MST1R: variants seen among roughly 807,000 people sequenced by gnomAD.
The protein encoded by MST1R is macrophage stimulating 1 receptor.
A neutral mutation model predicts 117.8 loss-of-function variants in MST1R; 99 were observed. That is an observed-to-expected ratio of 0.84 (90% confidence interval 0.71 to 0.99). MST1R has a LOEUF of 0.99. MST1R is among the 50% of genes least tolerant of loss of function. MST1R has a pLI of 0.00. For synonymous variants in MST1R, 734 were observed against 765.3 expected, an observed-to-expected ratio of 0.96 and a Z score of 0.68; for missense variants, 1,683 against 1,840.2, an observed-to-expected ratio of 0.91 and a Z score of 1.56.
chr3:49,898,830 C>T (rs762220523), intron 3 of MST1R, 37 bp downstream of exon 3: 67 of 1,612,632 alleles, frequency 4.2e-5, no homozygotes, highest in Admixed American at 6.7e-5. Context: ...TGTGATCCCA[C>T]AACCCTGGCC....
At position 49,897,677 on chromosome 3, in the gene MST1R, G is replaced by T. The variant is rs1406001712; in HGVS notation, c.1889C>A (p.Pro630His). 6.2e-7 allele frequency: 1 copy of T among 1,612,110 alleles called. No homozygotes were observed. The highest frequency in any genetic ancestry group is 2.2e-5 in the East Asian group (1 of 44,882). ...AAACTCCTCTACAAAGTCTTTCCGG[G>T]GCACTGGTCTGGGGCACCAGGGGAA... The part of the protein sequence containing the change: ...PKDSSKLRPV[P>H]RKDFVEEFEC... Residue 630 changes from proline to histidine, a missense_variant, in exon 6 of 20, where the codon CCC becomes CAC. Coordinates refer to ENST00000296474, the MANE Select transcript of MST1R (RefSeq NM_002447.4).
Position 49,896,805 on chromosome 3 carries a change from G to A in MST1R, c.2269C>T (p.Gln757Ter), listed in dbSNP as rs2082488321. 1.3e-6 allele frequency: 2 copies of A among 1,561,534 alleles called. No homozygotes were observed. Among genetic ancestry groups the A allele is most frequent in the Admixed American group, 1.9e-5 (1 of 52,476 alleles). Residue 757 changes from glutamine (Q) to a stop codon, truncating the protein, a stop_gained, in exon 8 of 20, where the codon CAG (glutamine) becomes TAG (stop). Coordinates refer to ENST00000296474, the MANE Select transcript of MST1R (RefSeq NM_002447.4). LOFTEE classifies it high-confidence loss of function. ...VPLSLQVGGA[Q>*]VPGSWTFQYR... is the part of the protein sequence containing the mutation. ...TGGAAGGTCCAGGAACCAGGTACCTGGGCACCCCCCACCTGCAGGCTAAGG... is the reference window on the plus strand; with the variant it reads ...TGGAAGGTCCAGGAACCAGGTACCTAGGCACCCCCCACCTGCAGGCTAAGG...
chr3:49,888,526 T>C (rs1429215581), intron 19 of MST1R, among the ~76,000 whole-genome samples: 1 of 146,916 alleles, frequency 6.8e-6, no homozygotes, highest in African/African-American at 2.5e-5. Context: ...CACTTGAACC[T>C]GGGAGGCAGA....
Position 49,887,544 on chromosome 3 carries a change from T to C in MST1R, c.3966A>G (p.Gln1322=). 1 of 1,614,076 alleles carries C rather than the reference T, an allele frequency of 6.2e-7. No individual in the cohort carries two copies. The highest frequency in any genetic ancestry group is 8.5e-7 in the Non-Finnish European group (1 of 1,179,986). The change falls in exon 20 of 20, where the codon CAA becomes CAG. Residue 1322 remains glutamine (Q), a synonymous_variant. Transcript: ENST00000296474. ...GCACTGCTGGGTCTGCCTCCCAGCA[T>C]TGCTGCATCACTTGGTACCTGTTGG... The part of the protein sequence containing the change: ...CPDSLYQVMQ[Q]CWEADPAVRP...
rs751575573 is a variant in MST1R at position 49,896,365 on chromosome 3, G to C, written c.2479C>G (p.Pro827Ala). Residue 827 changes from proline to alanine, a missense_variant, in exon 10 of 20, where the codon CCT becomes GCT. Physicochemically the swap from Pro to Ala is conservative, Grantham distance 27. Transcript: ENST00000296474. ...TGGGGGTCTCGGACCACATATTCAG[G>C]AAGGCGGCACAGCTGCTGCTCTGGA... Reference protein sequence around the residue: ...QLPEQQLCRLPEYVVRDPQGW... With the variant: ...QLPEQQLCRLAEYVVRDPQGW... 6.2e-7 allele frequency: 1 copy of C among 1,613,972 alleles called. No homozygotes were observed. The highest frequency in any genetic ancestry group is 8.5e-7 in the Non-Finnish European group (1 of 1,180,002).
intron 14 of MST1R, among the ~76,000 whole-genome samples, chr3:49,892,358 G>A (rs2082340135): frequency 6.6e-6 from 1 of 151,562 alleles, no homozygotes; most frequent in Non-Finnish European, 1.5e-5. Flanking sequence ...GGATCACGAG[G>A]TCAGGAGTTT....
rs375003602 is a variant in MST1R, at chr3:49,897,320, G to T, written c.2143C>A (p.Arg715=). The T allele has an allele frequency of 1.9e-6, 3 of 1,613,440 alleles. No homozygotes were observed. Among genetic ancestry groups the T allele is most frequent in the South Asian group, 1.1e-5 (1 of 91,014 alleles). The change falls in exon 7 of 20, where the codon CGG becomes AGG. Residue 715 remains arginine, a synonymous_variant. Transcript: ENST00000296474. Reference sequence around the variant, plus strand: ...TCAGTCCCATTGACCAGCACAGCCCGGCTGGTGCCTACAGACAGACTCTGG... The same window carrying T: ...TCAGTCCCATTGACCAGCACAGCCCTGCTGGTGCCTACAGACAGACTCTGG... The part of the protein sequence containing the change: ...EGQSLSVGTS[R]AVLVNGTECL...
At chr3:49,888,329 G>A (rs370903123) in intron 19 of MST1R, among the ~76,000 whole-genome samples, 27 of 151,952 alleles carry the variant, frequency 1.8e-4, no homozygotes, top group African/African-American at 6.5e-4. Flanking sequence ...CCAGCTACTC[G>A]GGAGGCTGAG....
intron 1 of MST1R, 182 bp from the exon 2 acceptor site, chr3:49,899,445 G>C: frequency 1.5e-6 from 1 of 646,962 alleles, no homozygotes; most frequent in Non-Finnish European, 2.6e-6. Context: ...GTGTAGCAAG[G>C]GCAGGGAGAA....
At position 49,896,368 on chromosome 3, in the gene MST1R, G is replaced by C. The variant is rs2082472434; in HGVS notation, c.2476C>G (p.Leu826Val). ...GGGTCTCGGACCACATATTCAGGAA[G>C]GCGGCACAGCTGCTGCTCTGGAAGC... ...RQLPEQQLCR[L>V]PEYVVRDPQG... The change falls in exon 10 of 20, where the codon CTT (leucine) becomes GTT (valine). Residue 826 changes from leucine to valine, a missense_variant. Transcript: ENST00000296474. The C allele has an allele frequency of 6.2e-7, 1 of 1,613,810 alleles. No homozygotes were observed. Among genetic ancestry groups the C allele is most frequent in the African/African-American group, 1.3e-5 (1 of 74,924 alleles).
At chr3:49,894,170 G>A (rs986128511) in intron 14 of MST1R, among the ~76,000 whole-genome samples, 10 of 151,350 alleles carry the variant, frequency 6.6e-5, no homozygotes, top group African/African-American at 1.7e-4. Flanking sequence ...AGCCGAGATC[G>A]CGCCATTGCA....
rs769562989 is a variant in MST1R, at chr3:49,897,314, C to T, written c.2149G>A (p.Val717Met). The change falls in exon 7 of 20, where the codon GTG becomes ATG. Residue 717 changes from valine (V) to methionine (M), a missense_variant. Coordinates refer to ENST00000296474, the MANE Select transcript of MST1R (RefSeq NM_002447.4). ...AGACACTCAGTCCCATTGACCAGCA[C>T]AGCCCGGCTGGTGCCTACAGACAGA... ...QSLSVGTSRA[V>M]LVNGTECLLA... The T allele has an allele frequency of 3.1e-6, 5 of 1,613,168 alleles. No homozygotes were observed. The highest frequency in any genetic ancestry group is 2.2e-5 in the South Asian group (2 of 90,970).
rs1488804543 is a variant in MST1R at position 49,903,127 on chromosome 3, GGCTGGC to G, written c.477_482del (p.Pro160_Ala161del). The G allele has an allele frequency of 6.2e-7, 1 of 1,604,262 alleles. No individual in the cohort carries two copies. Among genetic ancestry groups the G allele is most frequent in the Admixed American group, 1.7e-5 (1 of 60,030 alleles). On this transcript the variant is annotated inframe_deletion, in exon 1 of 20. Transcript: ENST00000296474. ...GGTTATGGTGGGCTGAGAAGAGGCA[GGCTGGC>G]GCTGCCAGATGCACGGCTGTCCCTT...
intron 15 of MST1R, 45 bp downstream of exon 15, chr3:49,891,713 G>C: frequency 6.2e-7 from 1 of 1,610,114 alleles, no homozygotes; most frequent in Non-Finnish European, 8.5e-7. Context: ...AATCCTCCCA[G>C]CCTGAGGCCC....
intron 1 of MST1R, among the ~76,000 whole-genome samples, chr3:49,901,916 T>G: frequency 7.7e-6 from 1 of 130,450 alleles, no homozygotes; most frequent in Admixed American, 7.9e-5. Context: ...TCCCTGTGTA[T>G]TTGTGCGTGG....
Position 49,902,769 on chromosome 3 carries a change from C to G in MST1R, c.841G>C (p.Ala281Pro), listed in dbSNP as rs537552409. ...DDPSALHTRLARLSATEPELG... is the reference protein window; with the variant it reads ...DDPSALHTRLPRLSATEPELG... Reference sequence around the variant, plus strand: ...TCTGGCTCAGTGGCGCTAAGCCGTGCCAGGCGTGTGTGCAGGGCACTAGGA... The same window carrying G: ...TCTGGCTCAGTGGCGCTAAGCCGTGGCAGGCGTGTGTGCAGGGCACTAGGA... The change falls in exon 1 of 20, where the codon GCA becomes CCA. Residue 281 changes from alanine to proline, a missense_variant. Coordinates refer to ENST00000296474, the MANE Select transcript of MST1R (RefSeq NM_002447.4). The G allele has an allele frequency of 3.1e-6, 5 of 1,613,930 alleles. No homozygotes were observed. Among genetic ancestry groups the G allele is most frequent in the African/African-American group, 1.3e-5 (1 of 75,078 alleles).
Position 49,896,515 on chromosome 3 carries a change from T to C in MST1R, c.2439+25A>G, listed in dbSNP as rs572998506. 11 of 1,613,064 alleles carry C rather than the reference T, an allele frequency of 6.8e-6. No homozygotes were observed. In the African/African-American group the frequency reaches 8.0e-5, roughly 12 times the overall value. On this transcript the variant is annotated intron_variant, in intron 9 of 19. Coordinates refer to ENST00000296474, the MANE Select transcript of MST1R (RefSeq NM_002447.4). Reference sequence around the variant, plus strand: ...GCTCAGGGAACTCATCCAGCCTTCCTCCCTCCTGGCCAGCACTCACTCACC... The same window carrying C: ...GCTCAGGGAACTCATCCAGCCTTCCCCCCTCCTGGCCAGCACTCACTCACC...
chr3:49,888,462 CGTG>C (rs2082225604), intron 19 of MST1R, among the ~76,000 whole-genome samples: 1 of 148,924 alleles, frequency 6.7e-6, no homozygotes, highest in Non-Finnish European at 1.5e-5. Flanking sequence ...AATTACTGGG[CGTG>C]GTGGCACACG....
At position 49,895,223 on chromosome 3, in the gene MST1R, T is replaced by A; in HGVS notation, c.3215A>T (p.Asp1072Val). Residue 1072 changes from aspartate to valine, a missense_variant, in exon 14 of 20, where the codon GAT becomes GTT. Transcript: ENST00000296474. Reference protein sequence around the residue: ...LDSALLAEVKDVLIPHERVVT... With the variant: ...LDSALLAEVKVVLIPHERVVT... ...CACCCGCTCATGGGGAATCAGCACATCCTTGACCTCAGCCAAGAGCGCAGA... is the reference window on the plus strand; with the variant it reads ...CACCCGCTCATGGGGAATCAGCACAACCTTGACCTCAGCCAAGAGCGCAGA... 2 of 1,614,188 alleles carry A rather than the reference T, an allele frequency of 1.2e-6. No individual in the cohort carries two copies. Among genetic ancestry groups the A allele is most frequent in the Non-Finnish European group, 1.7e-6 (2 of 1,180,028 alleles).
Sources: gnomAD v4.1 joint callset for allele counts (sites outside exome capture counted in the v4.1 genomes callset) on GRCh38, gnomAD v4.1.1 for gene constraint, MANE v1.5 for transcripts, NCBI Gene and HGNC (gene_info 2026-07-23, HGNC 2026-07-21) for gene names.